Variants in ZBTB25 observed in about 807,000 individuals in gnomAD.
ZBTB25 encodes the protein zinc finger and BTB domain containing 25.
In ZBTB25, 20 loss-of-function variants were observed where a neutral mutation model predicts 34.2. The ratio of observed to expected loss-of-function variants is 0.58; its 90% CI spans 0.41 to 0.85. The LOEUF (loss-of-function observed/expected upper bound fraction) is 0.85. Ranked by LOEUF, ZBTB25 falls within the 40% of genes least tolerant of loss-of-function variation. The pLI is 0.00. For missense variants in ZBTB25, 437 were observed against 521.8 expected, an observed-to-expected ratio of 0.84 and a Z score of 1.58; for synonymous variants, 175 against 186.4, an observed-to-expected ratio of 0.94 and a Z score of 0.50.
In ZBTB25 at chr14:64,486,264, T is replaced by C; in HGVS notation, c.*659A>G. 7 of 965,102 alleles carry C rather than the reference T, an allele frequency of 7.3e-6. No homozygotes were observed. Among genetic ancestry groups the C allele is most frequent in the Non-Finnish European group, 8.6e-6 (7 of 811,634 alleles). The allele number at this position is 965,102 out of a possible 1,614,324, so 59.8% of individuals were successfully genotyped here. On this transcript the variant is annotated 3_prime_UTR_variant, in exon 3 of 3. Transcript: ENST00000608382. ...TTGCAGTCAGCCGAGATCGCGCCAC[T>C]GCGCCCCAGCCTGGGCGACACAGAG...
intron 2 of ZBTB25, chr14:64,454,934 T>A (rs766020986): frequency 1.8e-5 from 29 of 1,569,238 alleles, no homozygotes; most frequent in African/African-American, 2.7e-5. Context: ...TGAAGTGTGT[T>A]GCCGAAACCA....
chr14:64,467,388 TCTTA>T (rs1266909541), intron 2 of ZBTB25: 1 of 152,222 alleles, frequency 6.6e-6, no homozygotes, highest in Admixed American at 6.5e-5. Context: ...CTATTACTAC[TCTTA>T]CTGACTTCCA....
At chr14:64,503,018 G>A (rs1194138301) in intron 1 of ZBTB25, 9 of 985,436 alleles carry the variant, frequency 9.1e-6, no homozygotes, top group Non-Finnish European at 9.6e-6. Flanking sequence ...CATGCTAGGT[G>A]CCGTCAGGTT....
chr14:64,449,649 A>T (rs2078338457), intron 2 of ZBTB25: 1 of 1,612,576 alleles, frequency 6.2e-7, no homozygotes, highest in Non-Finnish European at 8.5e-7. Context: ...CTGCAAAAAA[A>T]GAAAAAAGAC....
chr14:64,478,230 G>C lies in ZBTB25; in HGVS notation c.*8693C>G, dbSNP rs1244475554. The C allele has an allele frequency of 6.6e-6, 1 of 152,220 alleles. No individual in the cohort carries two copies. Among genetic ancestry groups the C allele is most frequent in the Non-Finnish European group, 1.5e-5 (1 of 68,048 alleles). 9.4% of individuals were successfully genotyped at this position (152,220 alleles called of 1,614,324 possible). A position where few individuals can be genotyped will look rare whatever the true frequency, so the allele number is the denominator to read the frequency against. On this transcript the variant is annotated 3_prime_UTR_variant, in exon 3 of 3. Transcript: ENST00000608382. ...CTGGTGATTAGGTACAAAGTCCTAG[G>C]ATGATGAGAATAATATTGTAATCAG...
At position 64,487,223 on chromosome 14, in the gene ZBTB25, T is replaced by C. The variant is rs374137278; in HGVS notation, c.1008A>G (p.Glu336=). Residue 336 remains glutamate (E), a synonymous_variant, in exon 3 of 3, where the codon GAA becomes GAG. Coordinates refer to ENST00000608382, the MANE Select transcript of ZBTB25 (RefSeq NM_006977.5). ...SLISKDTEPV[E]LNCNFSFSRK... ...TTGAAAAAGAAAAATTACAGTTTAA[T>C]TCTACTGGCTCTGTGTCTTTGGAGA... 4 of 1,614,218 alleles carry C rather than the reference T, an allele frequency of 2.5e-6. No homozygotes were observed. Among genetic ancestry groups the C allele is most frequent in the East Asian group, 2.2e-5 (1 of 44,890 alleles).
chr14:64,503,659 A>C lies in ZBTB25; in HGVS notation c.-8+2T>G. The C allele has an allele frequency of 6.3e-6, 6 of 958,112 alleles. No individual in the cohort carries two copies. Among genetic ancestry groups the C allele is most frequent in the African/African-American group, 1.8e-5 (1 of 56,638 alleles). 59.4% of individuals were successfully genotyped at this position (958,112 alleles called of 1,614,324 possible). On this transcript the variant is annotated splice_donor_variant, in intron 1 of 2. Transcript: ENST00000608382. LOFTEE classifies it low-confidence loss of function (5UTR_SPLICE). ...CCACAGGGGCAGGACCGCGTCGCTT[A>C]CCCAGATGCCGCCGCGGCGGCAGGC...
At position 64,483,831 on chromosome 14, in the gene ZBTB25, A is replaced by G. The variant is rs1566594517; in HGVS notation, c.*3092T>C. 2.0e-5 allele frequency: 3 copies of G among 150,768 alleles called. No homozygotes were observed. The highest frequency in any genetic ancestry group is 2.9e-5 in the Non-Finnish European group (2 of 67,868). The allele number at this position is 150,768 out of a possible 1,614,324, so 9.3% of individuals were successfully genotyped here. ...AAAAATTAGCTGGGCATGGTGGCAC[A>G]TGCTCAGGAGGCTGAGGCAGGAGAA... is the stretch of plus-strand genomic sequence containing the variant. On this transcript the variant is annotated 3_prime_UTR_variant, in exon 3 of 3. Transcript: ENST00000608382.
chr14:64,474,179 A>C (rs566040757), downstream of ZBTB25: 16 of 167,152 alleles, frequency 9.6e-5, no homozygotes, highest in African/African-American at 3.4e-4. Context: ...GAGAGCAATT[A>C]ATTTGGTGTG....
chr14:64,459,353 A>T (rs1408381451), intron 2 of ZBTB25, among the ~76,000 whole-genome samples: 1 of 152,170 alleles, frequency 6.6e-6, no homozygotes, highest in Non-Finnish European at 1.5e-5. Flanking sequence ...AGGTTGGGGG[A>T]GCACCTGAGA....
intron 2 of ZBTB25, among the ~76,000 whole-genome samples, chr14:64,457,221 C>T (rs2140992194): frequency 6.6e-6 from 1 of 152,334 alleles, no homozygotes; most frequent in South Asian, 2.1e-4. Flanking sequence ...ATGGGCAGCT[C>T]AGCTAGCAAG....
intron 2 of ZBTB25, among the ~76,000 whole-genome samples, chr14:64,451,361 C>T (rs1189950599): frequency 6.6e-6 from 1 of 152,166 alleles, no homozygotes; most frequent in East Asian, 1.9e-4. Flanking sequence ...CTTTCAAAAA[C>T]AGCCATAAAA....
At chr14:64,464,692 T>C (rs924630149) in intron 2 of ZBTB25, among the ~76,000 whole-genome samples, 1 of 152,210 alleles carries the variant, frequency 6.6e-6, no homozygotes, top group Non-Finnish European at 1.5e-5. Flanking sequence ...TGATGGATCC[T>C]ACTAGATTTT....
intron 1 of ZBTB25, among the ~76,000 whole-genome samples, chr14:64,496,298 C>T (rs960648973): frequency 6.6e-6 from 1 of 151,912 alleles, no homozygotes; most frequent in Non-Finnish European, 1.5e-5. Flanking sequence ...GCCTGGCCAA[C>T]ATGGTGAAAC....
At chr14:64,489,371 G>T (rs1311570459) in intron 2 of ZBTB25, among the ~76,000 whole-genome samples, 1 of 152,146 alleles carries the variant, frequency 6.6e-6, no homozygotes, top group African/African-American at 2.4e-5. Context: ...AGACAAATCT[G>T]CATCTAACTT....
intron 1 of ZBTB25, among the ~76,000 whole-genome samples, chr14:64,501,746 G>A (rs1210086359): frequency 1.3e-5 from 2 of 152,162 alleles, no homozygotes; most frequent in Non-Finnish European, 2.9e-5. Flanking sequence ...CACAGCCCTG[G>A]CCAGGATATT....
intron 2 of ZBTB25, chr14:64,454,616 G>A (rs1299096432): frequency 1.4e-5 from 12 of 859,208 alleles, no homozygotes; most frequent in Non-Finnish European, 2.3e-5. Context: ...AAAGGGAGTT[G>A]GATGTTTCGA....
intron 2 of ZBTB25, chr14:64,467,203 A>ATTG (rs1393635825): frequency 6.6e-6 from 1 of 152,254 alleles, no homozygotes; most frequent in Admixed American, 6.5e-5. Context: ...AGCTTTAAGC[A>ATTG]ACAAGCAATC....
chr14:64,469,196 T>C (rs1028816046), intron 2 of ZBTB25: 2 of 1,614,108 alleles, frequency 1.2e-6, no homozygotes, highest in Non-Finnish European at 1.7e-6. Flanking sequence ...TGTTCCTCCT[T>C]TACCTGCAAT....
Sources: gnomAD v4.1 joint callset for allele counts (sites outside exome capture counted in the v4.1 genomes callset) on GRCh38, gnomAD v4.1.1 for gene constraint, MANE v1.5 for transcripts, NCBI Gene and HGNC (gene_info 2026-07-23, HGNC 2026-07-21) for gene names.